IL17RD: variants seen among roughly 807,000 people sequenced by gnomAD.
IL17RD encodes interleukin-17 receptor D.
A neutral mutation model predicts 80.5 loss-of-function variants in IL17RD; 52 were observed. That is an observed-to-expected ratio of 0.65 (90% CI 0.52 to 0.81). The LOEUF is 0.81. IL17RD is among the 40% of genes least tolerant of loss of function. The pLI, the probability that IL17RD is intolerant of heterozygous loss-of-function variation, is 0.00. For synonymous variants in IL17RD, 416 were observed against 391.8 expected, an observed-to-expected ratio of 1.06 and a Z score of -0.73; for missense variants, 1,024 against 955.1, an observed-to-expected ratio of 1.07 and a Z score of -0.95.
intron 4 of IL17RD, 52 bp from the exon 5 acceptor site, chr3:57,109,709 C>T (rs1396678801): frequency 8.8e-6 from 14 of 1,584,356 alleles, no homozygotes; most frequent in Non-Finnish European, 1.1e-5. Context: ...CCCACCCCTC[C>T]ACCTTCATAA....
chr3:57,097,258 T>C (rs1457837135), intron 12 of IL17RD, among the ~76,000 whole-genome samples: 3 of 152,162 alleles, frequency 2.0e-5, no homozygotes, highest in Non-Finnish European at 2.9e-5. Context: ...AAAAGACGCA[T>C]CCACAAACTG....
In IL17RD at chr3:57,097,956, C is replaced by G. The variant is rs760452143; in HGVS notation, c.1747G>C (p.Asp583His). The G allele has an allele frequency of 1.2e-6, 2 of 1,613,992 alleles. No homozygotes were observed. The highest frequency in any genetic ancestry group is 2.2e-5 in the South Asian group (2 of 91,072). ...ACATCATTTAAAACCAAGCCCGAAT[C>G]AAATTTCTCCAAGACTGGCTCCCGG... The part of the protein sequence containing the change: ...RYREPVLEKF[D>H]SGLVLNDVMC... Residue 583 changes from aspartate (D) to histidine (H), a missense_variant, in exon 12 of 13, where the codon GAT becomes CAT. Physicochemically the swap from Asp to His is moderately conservative, Grantham distance 81. Transcript: ENST00000296318.
chr3:57,165,700 C>T (rs1268071818), upstream of IL17RD, among the ~76,000 whole-genome samples: 1 of 152,084 alleles, frequency 6.6e-6, no homozygotes, highest in African/African-American at 2.4e-5. Flanking sequence ...TGCTATGTGC[C>T]AGACCCCTTT....
intron 12 of IL17RD, chr3:57,097,355 G>A: frequency 1.8e-6 from 1 of 557,172 alleles, no homozygotes; most frequent in African/African-American, 1.9e-5. Context: ...GTCTGTATGT[G>A]GCACAACACC....
intron 1 of IL17RD, among the ~76,000 whole-genome samples, chr3:57,155,395 G>A (rs1260682952): frequency 6.6e-6 from 1 of 152,220 alleles, no homozygotes; most frequent in Admixed American, 6.5e-5. Context: ...GCCAGGTGTG[G>A]CTCCCACACA....
intron 1 of IL17RD, among the ~76,000 whole-genome samples, chr3:57,149,106 G>A (rs567459813): frequency 2.0e-5 from 3 of 152,292 alleles, no homozygotes; most frequent in Admixed American, 2.0e-4. Flanking sequence ...GAGGTCAGGA[G>A]TTCAAGACCA....
At chr3:57,147,306 T>C (rs989160565) in intron 1 of IL17RD, among the ~76,000 whole-genome samples, 1 of 152,204 alleles carries the variant, frequency 6.6e-6, no homozygotes, top group African/African-American at 2.4e-5. Flanking sequence ...GATGAACTAT[T>C]AATAACACAT....
chr3:57,153,448 T>G (rs557948710), intron 1 of IL17RD, among the ~76,000 whole-genome samples: 1 of 152,200 alleles, frequency 6.6e-6, no homozygotes, highest in Admixed American at 6.5e-5. Context: ...CTCTTCAGAA[T>G]GTGTAGGCTA....
At position 57,157,828 on chromosome 3, in the gene IL17RD, A is replaced by G. The variant is rs563844929; in HGVS notation, c.126+7333T>C. Among the ~76,000 whole-genome samples the G allele has an allele frequency of 1.4e-4, 21 of 152,328 alleles. 1 individual carries two copies. In the East Asian group the frequency reaches 3.9e-3, roughly 28 times the overall value. On this transcript the variant is annotated intron_variant, in intron 1 of 12. Transcript: ENST00000296318. ...TTCGTTCCAAGGAAGCCCTCCCTTTATCCCATTAACCCTCCCACTCTCGAG... is the reference window on the plus strand; with the variant it reads ...TTCGTTCCAAGGAAGCCCTCCCTTTGTCCCATTAACCCTCCCACTCTCGAG...
Position 57,154,283 on chromosome 3 carries a change from TACACACAC to T in IL17RD, c.126+10870_126+10877del, listed in dbSNP as rs1553628627. On this transcript the variant is annotated intron_variant, in intron 1 of 12. Transcript: ENST00000296318. ...AATTATATATATATATATATATATA[TACACACAC>T]ACACACACACATACATACACGTCAT... 7.7e-3 allele frequency among the ~76,000 whole-genome samples: 871 copies of T among 112,880 alleles called. 5 individuals are homozygous for T. Among genetic ancestry groups the T allele is most frequent in the Admixed American group, 0.026 (236 of 8,954 alleles). The allele number at this position is 112,880 out of a possible 152,430, so 74.1% of individuals were successfully genotyped here. A position where few individuals can be genotyped will look rare whatever the true frequency, so the allele number is the denominator to read the frequency against.
Position 57,140,608 on chromosome 3 carries a change from C to T in IL17RD, c.127-20295G>A, listed in dbSNP as rs560267572. Among the ~76,000 whole-genome samples the T allele has an allele frequency of 7.9e-5, 12 of 152,272 alleles. 1 individual carries two copies. In the East Asian group the frequency reaches 2.3e-3, roughly 29 times the overall value. ...TTGCTGCCATTTGACAGATGTACAT[C>T]CATAGCCCCGAAAGGCTTAGTGGGT... On this transcript the variant is annotated intron_variant, in intron 1 of 12. Transcript: ENST00000296318.
At position 57,096,495 on chromosome 3, in the gene IL17RD, TTCC is replaced by T; in HGVS notation, c.2115_2117del (p.Glu706del). ...GGAGCTTGGAAGGAAGGGCAGGAGG[TTCC>T]TCCTCACCTAAGGAGAGAAGAGAGT... On this transcript the variant is annotated inframe_deletion, in exon 13 of 13. Transcript: ENST00000296318. 6.2e-7 allele frequency: 1 copy of T among 1,609,854 alleles called. No individual in the cohort carries two copies. Among genetic ancestry groups the T allele is most frequent in the Non-Finnish European group, 8.5e-7 (1 of 1,176,598 alleles).
chr3:57,160,183 C>T lies in IL17RD; in HGVS notation c.126+4978G>A, dbSNP rs1489396729. On this transcript the variant is annotated intron_variant, in intron 1 of 12. Transcript: ENST00000296318. ...CGAAACTCCGTCTCAAAAAAAGAGGCAGCGGGGAATGAAGGAGGACAATAA... is the reference window on the plus strand; with the variant it reads ...CGAAACTCCGTCTCAAAAAAAGAGGTAGCGGGGAATGAAGGAGGACAATAA... 5.3e-5 allele frequency among the ~76,000 whole-genome samples: 8 copies of T among 151,984 alleles called. No individual in the cohort carries two copies. In the East Asian group the frequency reaches 1.4e-3, roughly 26 times the overall value.
intron 1 of IL17RD, chr3:57,142,645 C>A: frequency 1.2e-5 from 4 of 326,800 alleles, no homozygotes; most frequent in Non-Finnish European, 2.4e-5. Context: ...TCCTCATTGA[C>A]AAATGGTTCC....
intron 1 of IL17RD, chr3:57,134,487 C>A: frequency 2.0e-6 from 2 of 995,596 alleles, no homozygotes; most frequent in Non-Finnish European, 3.2e-6. Flanking sequence ...GATTGATCAC[C>A]ACACATATCA....
chr3:57,111,835 G>GCCT (rs1707105932), intron 3 of IL17RD, among the ~76,000 whole-genome samples: 1 of 151,776 alleles, frequency 6.6e-6, no homozygotes, highest in African/African-American at 2.4e-5. Flanking sequence ...AGTGGTGGGC[G>GCCT]CCTGTAGTCC....
chr3:57,114,814 C>T lies in IL17RD; in HGVS notation c.188G>A (p.Cys63Tyr), dbSNP rs1448187237. Residue 63 changes from cysteine (C) to tyrosine (Y), a missense_variant, in exon 3 of 13, where the codon TGT becomes TAT. Coordinates refer to ENST00000296318, the MANE Select transcript of IL17RD (RefSeq NM_017563.5). ...LYNITFKYDN[C>Y]TTYLNPVGKH... ...CCCCACTGGATTCAAGTAGGTGGTA[C>T]AATCTAGAGAGTAGGGAGAATGAGA... 1 of 1,585,012 alleles carries T rather than the reference C, an allele frequency of 6.3e-7. No homozygotes were observed. Among genetic ancestry groups the T allele is most frequent in the Non-Finnish European group, 8.6e-7 (1 of 1,168,686 alleles).
At chr3:57,129,311 C>T (rs998548951) in intron 1 of IL17RD, among the ~76,000 whole-genome samples, 5 of 152,134 alleles carry the variant, frequency 3.3e-5, no homozygotes, top group Non-Finnish European at 7.4e-5. Context: ...CTCCAGAAGC[C>T]GAAAAAGTCT....
At chr3:57,144,219 C>T (rs1280261276) in intron 1 of IL17RD, among the ~76,000 whole-genome samples, 2 of 152,102 alleles carry the variant, frequency 1.3e-5, no homozygotes, top group Non-Finnish European at 2.9e-5. Flanking sequence ...TAAGGTATTT[C>T]ATCAAGTCAG....
Sources: gnomAD v4.1 joint callset for allele counts (sites outside exome capture counted in the v4.1 genomes callset) on GRCh38, gnomAD v4.1.1 for gene constraint, MANE v1.5 for transcripts, NCBI Gene and HGNC (gene_info 2026-07-23, HGNC 2026-07-21) for gene names.